The following NRXN3 variants were observed in gnomAD, a reference collection of about 807,000 sequenced individuals.
NRXN3 encodes the protein neurexin III.
In NRXN3, 32 loss-of-function variants were observed where a neutral mutation model predicts 137.6. The ratio of observed to expected loss-of-function variants is 0.23; its 90% CI spans 0.18 to 0.31. The LOEUF is 0.31. NRXN3 is among the 10% of genes least tolerant of loss of function. NRXN3 has a pLI of 1.00. For missense variants in NRXN3, 1,574 were observed against 2,062.5 expected, an observed-to-expected ratio of 0.76 and a Z score of 4.59; for synonymous variants, 798 against 784.5, an observed-to-expected ratio of 1.02 and a Z score of -0.29.
At chr14:78,737,418 T>C (rs2098545970) in intron 8 of NRXN3, among the ~76,000 whole-genome samples, 1 of 152,170 alleles carries the variant, frequency 6.6e-6, no homozygotes. Context: ...ACTAAAAATC[T>C]GTTCAGCTCA....
At chr14:79,194,413 G>A (rs1227900917) in intron 15 of NRXN3, among the ~76,000 whole-genome samples, 1 of 152,202 alleles carries the variant, frequency 6.6e-6, no homozygotes, top group Admixed American at 6.5e-5. Flanking sequence ...TGTTGCACTG[G>A]TGCATCCCAG....
At chr14:78,735,526 C>A (rs67052383) in intron 8 of NRXN3, among the ~76,000 whole-genome samples, 8,546 of 152,126 alleles carry the variant, frequency 0.056, 360 homozygotes, top group African/African-American at 0.12. Flanking sequence ...AAGCAGTGTT[C>A]AGGAACCTGT....
chr14:79,452,138 T>TA (rs1465134801), intron 15 of NRXN3, among the ~76,000 whole-genome samples: 2 of 151,960 alleles, frequency 1.3e-5, no homozygotes, highest in Admixed American at 1.3e-4. Flanking sequence ...AATAGCCACA[T>TA]AAAAAAGCAG....
intron 16 of NRXN3, among the ~76,000 whole-genome samples, chr14:79,637,778 G>T (rs1457609112): frequency 1.6e-5 from 2 of 128,304 alleles, no homozygotes; most frequent in Non-Finnish European, 3.1e-5. Flanking sequence ...CACACAGGCT[G>T]GAATGCAGTG....
chr14:79,704,919 A>AAAT (rs2098770961), intron 19 of NRXN3, among the ~76,000 whole-genome samples: 1 of 152,160 alleles, frequency 6.6e-6, no homozygotes, highest in African/African-American at 2.4e-5. Flanking sequence ...TTGGCAGTAC[A>AAAT]AATAGGCAAG....
At chr14:79,519,056 C>T (rs2153700061) in intron 16 of NRXN3, among the ~76,000 whole-genome samples, 2 of 152,210 alleles carry the variant, frequency 1.3e-5, no homozygotes, top group East Asian at 3.9e-4. Flanking sequence ...GGGCCTCGTG[C>T]TTTCTTTTTC....
chr14:78,540,308 A>G (rs1188764048), intron 4 of NRXN3, among the ~76,000 whole-genome samples: 1 of 152,112 alleles, frequency 6.6e-6, no homozygotes, highest in Non-Finnish European at 1.5e-5. Flanking sequence ...GGGTGCATAT[A>G]TATTTAGGAT....
At chr14:79,622,663 C>T (rs1039043241) in intron 16 of NRXN3, among the ~76,000 whole-genome samples, 5 of 152,130 alleles carry the variant, frequency 3.3e-5, no homozygotes, top group Non-Finnish European at 5.9e-5. Context: ...ATGGCGCAAT[C>T]TCGGCTCACT....
intron 15 of NRXN3, among the ~76,000 whole-genome samples, chr14:79,018,234 T>C (rs1203127364): frequency 1.7e-5 from 2 of 119,250 alleles, no homozygotes; most frequent in Non-Finnish European, 3.2e-5. Context: ...CACTCCAGCC[T>C]GGGTGACAAG....
At chr14:79,034,790 G>A (rs909681346) in intron 15 of NRXN3, among the ~76,000 whole-genome samples, 2 of 152,100 alleles carry the variant, frequency 1.3e-5, no homozygotes, top group Admixed American at 1.3e-4. Context: ...ATTATTAGAA[G>A]TGACGAAAAC....
At chr14:79,180,059 C>T (rs1227885896) in intron 15 of NRXN3, among the ~76,000 whole-genome samples, 1 of 152,162 alleles carries the variant, frequency 6.6e-6, no homozygotes, top group South Asian at 2.1e-4. Context: ...GCTGTAATAG[C>T]CTGTGTCTGC....
At chr14:79,445,718 T>A (rs543325061) in intron 15 of NRXN3, among the ~76,000 whole-genome samples, 1 of 152,206 alleles carries the variant, frequency 6.6e-6, no homozygotes, top group South Asian at 2.1e-4. Context: ...ACAGAGATGT[T>A]TATGTGCTGG....
intron 15 of NRXN3, among the ~76,000 whole-genome samples, chr14:79,399,453 T>A (rs937271932): frequency 1.3e-5 from 2 of 152,174 alleles, no homozygotes; most frequent in African/African-American, 4.8e-5. Context: ...AAATCAATAA[T>A]CATTTATTGA....
At chr14:79,566,558 T>C (rs887696414) in intron 16 of NRXN3, among the ~76,000 whole-genome samples, 9 of 152,236 alleles carry the variant, frequency 5.9e-5, no homozygotes, top group African/African-American at 2.2e-4. Flanking sequence ...TAGGAGGCCC[T>C]GGGGCTTCAT....
Position 78,768,035 on chromosome 14 carries a change from C to G in NRXN3, c.2045-35585C>G, listed in dbSNP as rs948166443. The stretch of plus-strand genomic sequence containing the variant: ...AAAAATCAAATCAAATACATTAACA[C>G]CAATTAGATGACAACATAATCGAAA... On this transcript the variant is annotated intron_variant, in intron 8 of 20. Transcript: ENST00000335750. Among the ~76,000 whole-genome samples, 3 of 149,520 alleles carry G rather than the reference C, an allele frequency of 2.0e-5. 1 individual carries two copies. Among genetic ancestry groups the G allele is most frequent in the Admixed American group, 2.0e-4 (3 of 15,032 alleles).
At chr14:78,585,247 G>T (rs2097050741) in intron 4 of NRXN3, among the ~76,000 whole-genome samples, 3 of 152,050 alleles carry the variant, frequency 2.0e-5, no homozygotes, top group Admixed American at 1.3e-4. Flanking sequence ...AAGGCTATCA[G>T]GGCAGATGGT....
Position 79,658,940 on chromosome 14 carries a change from C to T in NRXN3, c.3445-4838C>T, listed in dbSNP as rs189034498. On this transcript the variant is annotated intron_variant, in intron 16 of 20. Transcript: ENST00000335750. The stretch of plus-strand genomic sequence containing the variant: ...TTCCCCAGGGGCAGTCTGGAATGAA[C>T]GAAGAGATAGCCTTCAGTGACATCT... 2.1e-3 allele frequency among the ~76,000 whole-genome samples: 324 copies of T among 152,276 alleles called. 2 individuals are homozygous for T. The highest frequency in any genetic ancestry group is 0.011 in the South Asian group (53 of 4,818).
intron 15 of NRXN3, among the ~76,000 whole-genome samples, chr14:79,134,693 T>A (rs1229666492): frequency 6.6e-6 from 1 of 152,226 alleles, no homozygotes; most frequent in Non-Finnish European, 1.5e-5. Flanking sequence ...TTTCAAATTA[T>A]CCTTTTGAGG....
At chr14:79,802,755 A>G (rs1280779919) in intron 19 of NRXN3, among the ~76,000 whole-genome samples, 1 of 152,228 alleles carries the variant, frequency 6.6e-6, no homozygotes, top group Non-Finnish European at 1.5e-5. Context: ...AGGAAACACC[A>G]AGGGAATATG....
Sources: gnomAD v4.1 joint callset for allele counts (sites outside exome capture counted in the v4.1 genomes callset) on GRCh38, gnomAD v4.1.1 for gene constraint, MANE v1.5 for transcripts, NCBI Gene and HGNC (gene_info 2026-07-23, HGNC 2026-07-21) for gene names.